Variants in COL22A1 observed in about 807,000 individuals in gnomAD.
COL22A1 encodes collagen type XXII alpha 1 chain, also known as collagen alpha-1(XXII) chain.
Under a neutral mutation model 248.9 loss-of-function variants are expected in COL22A1, and 221 were observed. The ratio of observed to expected loss-of-function variants is 0.89; its 90% CI spans 0.80 to 0.99. The LOEUF (loss-of-function observed/expected upper bound fraction) is 0.99, where lower values mean the gene tolerates loss of function less well. COL22A1 is among the 50% of genes least tolerant of loss of function. The pLI is 0.00. For synonymous variants in COL22A1, 891 were observed against 793.4 expected (o/e 1.12, Z -2.07); for missense variants, 2,240 against 2,179.0 (o/e 1.03, Z -0.56).
At chr8:138,753,044 C>A (rs1002741269) in intron 21 of COL22A1, among the ~76,000 whole-genome samples, 2 of 152,114 alleles carry the variant, frequency 1.3e-5, no homozygotes, top group Non-Finnish European at 2.9e-5. Context: ...AGGGGTGAAT[C>A]GAATGAGGAT....
intron 22 of COL22A1, among the ~76,000 whole-genome samples, chr8:138,745,092 C>T (rs1832001244): frequency 6.6e-6 from 1 of 152,158 alleles, no homozygotes; most frequent in South Asian, 2.1e-4. Context: ...CACTGTGAGT[C>T]TCAAAGATCC....
At chr8:138,723,242 A>G (rs1382275623) in intron 25 of COL22A1, among the ~76,000 whole-genome samples, 1 of 151,994 alleles carries the variant, frequency 6.6e-6, no homozygotes, top group African/African-American at 2.4e-5. Flanking sequence ...CTGCCACCCA[A>G]TTTGACTCAT....
intron 33 of COL22A1, 130 bp downstream of exon 33, chr8:138,694,696 A>G (rs1827355981): frequency 1.5e-6 from 2 of 1,373,742 alleles, no homozygotes. Flanking sequence ...GAGGAGAAGA[A>G]AGGGCTGCCT....
At chr8:138,901,369 G>GTTTTTTTTTTTTTTT (rs1396582556) in intron 1 of COL22A1, among the ~76,000 whole-genome samples, 1 of 118,772 alleles carries the variant, frequency 8.4e-6, no homozygotes, top group Non-Finnish European at 1.7e-5. Flanking sequence ...TTTTTTTTTT[G>GTTTTTTTTTTTTTTT]TTTTTTTTTT....
chr8:138,841,100 C>T (rs1411663888), intron 4 of COL22A1, among the ~76,000 whole-genome samples: 1 of 152,110 alleles, frequency 6.6e-6, no homozygotes, highest in African/African-American at 2.4e-5. Context: ...ATCATTTTGT[C>T]CATCCCTCCA....
chr8:138,702,917 C>A (rs1828084456), intron 31 of COL22A1, among the ~76,000 whole-genome samples: 1 of 152,132 alleles, frequency 6.6e-6, no homozygotes, highest in Non-Finnish European at 1.5e-5. Context: ...ATACTCAATA[C>A]CAACTCACCA....
chr8:138,722,009 C>G (rs1367919785), intron 26 of COL22A1, 27 bp downstream of exon 26: 2 of 1,556,160 alleles, frequency 1.3e-6, no homozygotes, highest in Admixed American at 1.9e-5. Context: ...GGTTCCCAAA[C>G]TGGTGCCAAC....
rs1465882457 is a variant in COL22A1, at chr8:138,690,873, C to A, written c.2756G>T (p.Gly919Val). 2 of 1,608,758 alleles carry A rather than the reference C, an allele frequency of 1.2e-6. No individual in the cohort carries two copies. The highest frequency in any genetic ancestry group is 1.7e-6 in the Non-Finnish European group (2 of 1,177,700). Residue 919 changes from glycine to valine, a missense_variant and splice_region_variant, in exon 36 of 65, where the codon GGT becomes GTT. Gly to Val is a moderately radical substitution (Grantham distance 109, BLOSUM62 -3). Coordinates refer to ENST00000303045, the MANE Select transcript of COL22A1 (RefSeq NM_152888.3). Reference protein sequence around the residue: ...HGAPGAAGNPGAPGHVGAPGP... With the variant: ...HGAPGAAGNPVAPGHVGAPGP... ...GGGGGCACCGACATGTCCGGGAGCACCCTGTTCAGAGACAGAAGTTTAGAA... is the reference window on the plus strand; with the variant it reads ...GGGGGCACCGACATGTCCGGGAGCAACCTGTTCAGAGACAGAAGTTTAGAA...
intron 10 of COL22A1, among the ~76,000 whole-genome samples, chr8:138,803,446 A>C (rs1425891398): frequency 1.3e-5 from 2 of 152,214 alleles, no homozygotes; most frequent in Admixed American, 6.5e-5. Flanking sequence ...ATCAGACGAG[A>C]TCGGGCATGG....
chr8:138,743,452 G>T (rs1046841534), intron 22 of COL22A1, among the ~76,000 whole-genome samples: 6 of 151,760 alleles, frequency 4.0e-5, no homozygotes, highest in African/African-American at 1.5e-4. Flanking sequence ...TGGTGGAGTT[G>T]ATGGTTTTGG....
intron 31 of COL22A1, among the ~76,000 whole-genome samples, chr8:138,700,649 C>G (rs1198250298): frequency 6.6e-6 from 1 of 152,180 alleles, no homozygotes; most frequent in Non-Finnish European, 1.5e-5. Context: ...GGCGGACTGG[C>G]CCCTGCAGGC....
intron 56 of COL22A1, among the ~76,000 whole-genome samples, chr8:138,608,481 A>G (rs1261980966): frequency 4.6e-5 from 7 of 152,204 alleles, no homozygotes; most frequent in Non-Finnish European, 2.9e-5. Flanking sequence ...ATACGTAGAT[A>G]CTGAGGCACA....
intron 41 of COL22A1, among the ~76,000 whole-genome samples, chr8:138,669,674 T>C (rs1008386453): frequency 2.0e-5 from 3 of 152,094 alleles, no homozygotes; most frequent in African/African-American, 7.2e-5. Context: ...CTGGAGACAG[T>C]AATAGTTACA....
chr8:138,666,093 C>T (rs1824483086), intron 41 of COL22A1, among the ~76,000 whole-genome samples: 1 of 152,184 alleles, frequency 6.6e-6, no homozygotes, highest in Admixed American at 6.5e-5. Context: ...AGTGGCAAGT[C>T]ACAATAAATT....
intron 11 of COL22A1, among the ~76,000 whole-genome samples, chr8:138,797,313 T>C (rs1409435464): frequency 6.6e-6 from 1 of 152,222 alleles, no homozygotes; most frequent in East Asian, 1.9e-4. Context: ...TATAGATTTG[T>C]CTCTTCTGTA....
rs1563798343 is a variant in COL22A1, at chr8:138,812,951, G to A, written c.1314C>T (p.Ile438=). 5 of 1,613,254 alleles carry A rather than the reference G, an allele frequency of 3.1e-6. No individual in the cohort carries two copies. Among genetic ancestry groups the A allele is most frequent in the East Asian group, 2.2e-5 (1 of 44,862 alleles). The change falls in exon 8 of 65, where the codon ATC becomes ATT. Residue 438 remains isoleucine (I), a synonymous_variant. Coordinates refer to ENST00000303045, the MANE Select transcript of COL22A1 (RefSeq NM_152888.3). ...RHAELETCCD[I]PSGPCQVTVV... ...AGAGTCTGCTCACCGGACCCGAGGGGATATCACAACAAGTCTCCAATTCTG... is the reference window on the plus strand; with the variant it reads ...AGAGTCTGCTCACCGGACCCGAGGGAATATCACAACAAGTCTCCAATTCTG...
chr8:138,679,054 C>T (rs916027391), intron 40 of COL22A1, among the ~76,000 whole-genome samples: 6 of 152,122 alleles, frequency 3.9e-5, no homozygotes, highest in African/African-American at 1.4e-4. Context: ...ATAGCTGGGA[C>T]TACAGATGTG....
intron 27 of COL22A1, among the ~76,000 whole-genome samples, chr8:138,719,004 G>T (rs1221786054): frequency 6.6e-6 from 1 of 152,080 alleles, no homozygotes; most frequent in Non-Finnish European, 1.5e-5. Flanking sequence ...TAGAAAGGTG[G>T]GGTTCATACA....
chr8:138,906,102 G>C (rs1315532406), intron 1 of COL22A1, among the ~76,000 whole-genome samples: 1 of 152,180 alleles, frequency 6.6e-6, no homozygotes, highest in African/African-American at 2.4e-5. Flanking sequence ...CAGGGGTGGT[G>C]GCTCACGCCT....
Sources: gnomAD v4.1 joint callset for allele counts (sites outside exome capture counted in the v4.1 genomes callset) on GRCh38, gnomAD v4.1.1 for gene constraint, MANE v1.5 for transcripts, NCBI Gene and HGNC (gene_info 2026-07-23, HGNC 2026-07-21) for gene names.